Variants in KDM4C observed in about 807,000 individuals in gnomAD.
KDM4C encodes the protein lysine-specific demethylase 4C.
KDM4C carries 81 observed loss-of-function variants against 129.3 expected under a neutral mutation model. That is an observed-to-expected ratio of 0.63 (90% CI 0.52 to 0.75). The LOEUF is 0.75. Among genes scored for constraint, KDM4C ranks in the 30% least tolerant of loss-of-function variants. The probability of loss-of-function intolerance (pLI) is 0.00; values close to 1 mark genes in which losing one functional copy is unlikely to be tolerated. For missense variants in KDM4C, 1,457 were observed against 1,304.0 expected, an observed-to-expected ratio of 1.12 and a Z score of -1.81; for synonymous variants, 573 against 456.1, an observed-to-expected ratio of 1.26 and a Z score of -3.26.
intron 12 of KDM4C, among the ~76,000 whole-genome samples, chr9:6,997,277 C>T (rs376652372): frequency 7.2e-5 from 11 of 152,058 alleles, no homozygotes; most frequent in East Asian, 1.9e-4. Flanking sequence ...GGGCGCAGAG[C>T]GATCAGAACT....
intron 4 of KDM4C, among the ~76,000 whole-genome samples, chr9:6,848,605 G>C (rs546726551): frequency 6.6e-6 from 1 of 152,214 alleles, no homozygotes; most frequent in African/African-American, 2.4e-5. Flanking sequence ...GGAGGTAGAG[G>C]TTGCGGTGAG....
At chr9:7,099,936 T>C (rs1329114498) in intron 17 of KDM4C, among the ~76,000 whole-genome samples, 1 of 151,958 alleles carries the variant, frequency 6.6e-6, no homozygotes, top group Non-Finnish European at 1.5e-5. Context: ...TTTTTTAATA[T>C]ATATTTTTAT....
chr9:6,774,963 A>G (rs1171836503), intron 1 of KDM4C, among the ~76,000 whole-genome samples: 2 of 152,218 alleles, frequency 1.3e-5, no homozygotes, highest in Non-Finnish European at 2.9e-5. Context: ...AGATTTGTGA[A>G]AATGGACTTA....
chr9:6,959,424 T>C (rs1425058932), intron 8 of KDM4C, among the ~76,000 whole-genome samples: 1 of 152,178 alleles, frequency 6.6e-6, no homozygotes, highest in Non-Finnish European at 1.5e-5. Flanking sequence ...GAAGAATGAT[T>C]TCTGAACTTT....
chr9:6,834,518 C>A, intron 4 of KDM4C: 1 of 655,410 alleles, frequency 1.5e-6, no homozygotes. Flanking sequence ...AGGCTGGCTT[C>A]GCAGGTGACG....
In KDM4C at chr9:7,174,775, G is replaced by T; in HGVS notation, c.*46G>T. On this transcript the variant is annotated 3_prime_UTR_variant, in exon 22 of 22. Transcript: ENST00000381309. Reference sequence around the variant, plus strand: ...CCACAGAGCAGCTTGGGTTGGAAGAGAGAAGATGAAGGGACATCCTTGGGG... The same window carrying T: ...CCACAGAGCAGCTTGGGTTGGAAGATAGAAGATGAAGGGACATCCTTGGGG... The T allele has an allele frequency of 6.5e-7, 1 of 1,540,926 alleles. No homozygotes were observed. Among genetic ancestry groups the T allele is most frequent in the Non-Finnish European group, 8.9e-7 (1 of 1,118,858 alleles).
chr9:6,902,392 C>T (rs1359787218), intron 8 of KDM4C, among the ~76,000 whole-genome samples: 2 of 152,112 alleles, frequency 1.3e-5, no homozygotes, highest in Non-Finnish European at 2.9e-5. Flanking sequence ...TAGTAAATGT[C>T]CTGATGGCTG....
chr9:7,031,886 A>G (rs1398320736), intron 15 of KDM4C, among the ~76,000 whole-genome samples: 2 of 152,250 alleles, frequency 1.3e-5, no homozygotes, highest in African/African-American at 4.8e-5. Context: ...AATGGTCTTC[A>G]TAAATCCCAC....
chr9:6,757,678 C>G (rs978676291), upstream of KDM4C: 1 of 985,496 alleles, frequency 1.0e-6, no homozygotes, highest in South Asian at 4.7e-5. Context: ...GGACGTGTGG[C>G]GCGTGGACTA....
intron 8 of KDM4C, among the ~76,000 whole-genome samples, chr9:6,946,241 A>G (rs1826944198): frequency 6.6e-6 from 1 of 152,144 alleles, no homozygotes; most frequent in Non-Finnish European, 1.5e-5. Flanking sequence ...TTCGAAAGTA[A>G]GATATGTAAA....
chr9:7,079,027 G>A (rs1260689563), intron 17 of KDM4C, among the ~76,000 whole-genome samples: 2 of 152,168 alleles, frequency 1.3e-5, no homozygotes, highest in African/African-American at 4.8e-5. Flanking sequence ...CAGAAGAAAA[G>A]CAGGTTTACA....
Position 7,080,510 on chromosome 9 carries a change from T to C in KDM4C, c.2425-23175T>C, listed in dbSNP as rs949298366. Among the ~76,000 whole-genome samples the C allele has an allele frequency of 1.4e-4, 22 of 152,206 alleles. 1 individual carries two copies. The highest frequency in any genetic ancestry group is 4.8e-4 in the African/African-American group (20 of 41,448). On this transcript the variant is annotated intron_variant, in intron 17 of 21. Transcript: ENST00000381309. ...TAGAATTCAGAAGTGAAATGCTTGATATGGGAATGTGTATTAATACAATTT... is the reference window on the plus strand; with the variant it reads ...TAGAATTCAGAAGTGAAATGCTTGACATGGGAATGTGTATTAATACAATTT...
intron 1 of KDM4C, among the ~76,000 whole-genome samples, chr9:6,725,815 T>C (rs1218643256): frequency 6.7e-5 from 10 of 149,448 alleles, no homozygotes; most frequent in South Asian, 6.5e-4. Context: ...GTTCAAGCAA[T>C]TCCCCTGCTT....
intron 8 of KDM4C, among the ~76,000 whole-genome samples, chr9:6,979,620 C>T (rs527960489): frequency 6.6e-6 from 1 of 152,186 alleles, no homozygotes; most frequent in East Asian, 1.9e-4. Flanking sequence ...TTATTGAACT[C>T]AGGAATGAAA....
intron 2 of KDM4C, among the ~76,000 whole-genome samples, chr9:6,797,735 G>A (rs1400512693): frequency 6.6e-6 from 1 of 152,178 alleles, no homozygotes; most frequent in Non-Finnish European, 1.5e-5. Context: ...ATTATAAGAA[G>A]CACCACTCTT....
chr9:7,082,044 A>T (rs1834582664), intron 17 of KDM4C, among the ~76,000 whole-genome samples: 1 of 152,202 alleles, frequency 6.6e-6, no homozygotes, highest in African/African-American at 2.4e-5. Flanking sequence ...GAAAAGCATC[A>T]TGGTGGCCCT....
chr9:6,790,140 G>A (rs987151739), intron 1 of KDM4C, among the ~76,000 whole-genome samples: 1 of 148,916 alleles, frequency 6.7e-6, no homozygotes, highest in Non-Finnish European at 1.5e-5. Context: ...GTGTGGTGGT[G>A]TGATCCGCTC....
chr9:6,965,865 A>G (rs1217326669), intron 8 of KDM4C, among the ~76,000 whole-genome samples: 1 of 152,224 alleles, frequency 6.6e-6, no homozygotes, highest in Non-Finnish European at 1.5e-5. Flanking sequence ...AACACTCAGA[A>G]TAATATCTTA....
intron 3 of KDM4C, among the ~76,000 whole-genome samples, chr9:6,808,050 G>A (rs1830441631): frequency 1.0e-5 from 1 of 100,282 alleles, no homozygotes; most frequent in East Asian, 3.1e-4. Context: ...GGGCGCCTCT[G>A]CCCGGCCGCC....
Sources: allele counts gnomAD v4.1 joint callset (sites outside exome capture counted in the v4.1 genomes callset), GRCh38; gene constraint gnomAD v4.1.1; transcripts MANE v1.5; gene names NCBI Gene and HGNC (gene_info 2026-07-23, HGNC 2026-07-21).